PDZRN4: variants seen among roughly 807,000 people sequenced by gnomAD.
PDZRN4 encodes the protein PDZ domain-containing RING finger protein 4.
A neutral mutation model predicts 99.0 loss-of-function variants in PDZRN4; 70 were observed. The ratio of observed to expected loss-of-function variants is 0.71; its 90% CI spans 0.58 to 0.86. The LOEUF is 0.86. Ranked by LOEUF, PDZRN4 falls within the 40% of genes least tolerant of loss-of-function variation. PDZRN4 has a pLI of 0.00. For missense variants in PDZRN4, 1,474 were observed against 1,331.2 expected (o/e 1.11, Z -1.67); for synonymous variants, 551 against 501.6 (o/e 1.10, Z -1.32).
chr12:41,558,267 A>T (rs1939203711), intron 7 of PDZRN4, among the ~76,000 whole-genome samples: 1 of 152,210 alleles, frequency 6.6e-6, no homozygotes, highest in African/African-American at 2.4e-5. Flanking sequence ...CAGTGATTGG[A>T]AAGTCTGGAA....
At chr12:41,259,783 A>G (rs1337458669) in intron 3 of PDZRN4, among the ~76,000 whole-genome samples, 1 of 152,158 alleles carries the variant, frequency 6.6e-6, no homozygotes, top group Non-Finnish European at 1.5e-5. Context: ...CTTTTAAGCT[A>G]ATCAGCTTAG....
chr12:41,191,245 T>C (rs977987094), intron 1 of PDZRN4, among the ~76,000 whole-genome samples: 2 of 152,142 alleles, frequency 1.3e-5, no homozygotes, highest in Non-Finnish European at 2.9e-5. Flanking sequence ...TAGGGCTTTT[T>C]CCCCTCACAT....
At chr12:41,254,922 C>T (rs1447013829) in intron 3 of PDZRN4, among the ~76,000 whole-genome samples, 1 of 151,790 alleles carries the variant, frequency 6.6e-6, no homozygotes, top group Non-Finnish European at 1.5e-5. Flanking sequence ...CCAGTATCTA[C>T]AAAAAATAAA....
At position 41,188,639 on chromosome 12, in the gene PDZRN4, G is replaced by A. The variant is rs775272085; in HGVS notation, c.184G>A (p.Gly62Ser). Residue 62 changes from glycine to serine, a missense_variant, in exon 1 of 10, where the codon GGC (glycine) becomes AGC (serine). Transcript: ENST00000402685. ...CPLQCQPLAP[G>S]ELYRVLPLRS... ...GCTGCAGTGCCAGCCCTTGGCGCCC[G>A]GCGAGCTGTACCGGGTGCTGCCGCT... The A allele has an allele frequency of 2.3e-5, 35 of 1,541,440 alleles. No homozygotes were observed. In the Admixed American group the frequency reaches 2.5e-4, roughly 11 times the overall value.
intron 5 of PDZRN4, among the ~76,000 whole-genome samples, chr12:41,514,452 C>T (rs1306413533): frequency 2.0e-5 from 3 of 151,944 alleles, no homozygotes; most frequent in Admixed American, 2.0e-4. Flanking sequence ...TAATTATTAA[C>T]TACATTCTAT....
At chr12:41,455,067 A>T (rs1462639816) in intron 3 of PDZRN4, among the ~76,000 whole-genome samples, 1 of 152,218 alleles carries the variant, frequency 6.6e-6, no homozygotes, top group African/African-American at 2.4e-5. Context: ...AAGGAATCAT[A>T]TGCAGTTATA....
rs371531440 is a variant in PDZRN4 at position 41,225,911 on chromosome 12, G to A, written c.843+31723G>A. 5.9e-4 allele frequency among the ~76,000 whole-genome samples: 90 copies of A among 152,178 alleles called. 1 individual carries two copies. Among genetic ancestry groups the A allele is most frequent in the African/African-American group, 2.1e-3 (87 of 41,536 alleles). On this transcript the variant is annotated intron_variant, in intron 3 of 9. Transcript: ENST00000402685. ...TTCTGGAGCCAGGCACCCCCCTGGA[G>A]TAGGTAACCCTTGTCAACAGCACAC...
intron 3 of PDZRN4, among the ~76,000 whole-genome samples, chr12:41,429,906 T>C (rs959079429): frequency 3.3e-5 from 5 of 152,036 alleles, no homozygotes; most frequent in Non-Finnish European, 4.4e-5. Flanking sequence ...TTTGCAGAAC[T>C]AAAAATAGTG....
chr12:41,563,541 T>A lies in PDZRN4; in HGVS notation c.1366-7T>A. The A allele has an allele frequency of 1.2e-6, 2 of 1,604,200 alleles. No individual in the cohort carries two copies. The highest frequency in any genetic ancestry group is 1.7e-6 in the Non-Finnish European group (2 of 1,171,146). On this transcript the variant is annotated splice_polypyrimidine_tract_variant and splice_region_variant and intron_variant, in intron 7 of 9. Transcript: ENST00000402685. Reference sequence around the variant, plus strand: ...AAACTAATGTGCCACTCTCATTTGTTTTCTAGATAAATGGGGAAGATGTCC... The same window carrying A: ...AAACTAATGTGCCACTCTCATTTGTATTCTAGATAAATGGGGAAGATGTCC...
chr12:41,475,194 T>A (rs1953029318), intron 3 of PDZRN4, among the ~76,000 whole-genome samples: 1 of 152,250 alleles, frequency 6.6e-6, no homozygotes, highest in East Asian at 1.9e-4. Flanking sequence ...ATAAATATGA[T>A]TGAATGAATA....
rs11180932 is a variant in PDZRN4, at chr12:41,468,587, T to A, written c.844-37869T>A. ...TTCATCCACTAAAAATATACGTTCT[T>A]AGCTAATAGCCACACTTTCCCAAGT... On this transcript the variant is annotated intron_variant, in intron 3 of 9. Coordinates refer to ENST00000402685, the MANE Select transcript of PDZRN4 (RefSeq NM_001164595.2). 5.3e-3 allele frequency among the ~76,000 whole-genome samples: 805 copies of A among 152,326 alleles called. 43 individuals are homozygous for A. The East Asian group carries it at 0.13, about 24-fold the overall frequency.
At chr12:41,426,131 C>T (rs1469342070) in intron 3 of PDZRN4, among the ~76,000 whole-genome samples, 1 of 152,178 alleles carries the variant, frequency 6.6e-6, no homozygotes, top group Non-Finnish European at 1.5e-5. Context: ...ACCCTGAAAT[C>T]TAATAACTAA....
chr12:41,253,775 A>G (rs1951186661), intron 3 of PDZRN4, among the ~76,000 whole-genome samples: 1 of 152,222 alleles, frequency 6.6e-6, no homozygotes, highest in Non-Finnish European at 1.5e-5. Flanking sequence ...AAAATGTGAT[A>G]CATATACACA....
intron 3 of PDZRN4, among the ~76,000 whole-genome samples, chr12:41,394,813 T>TGA (rs1294561594): frequency 1.3e-5 from 2 of 149,010 alleles, no homozygotes; most frequent in Admixed American, 6.7e-5. Flanking sequence ...GAATGAGAAA[T>TGA]GAGAGAGAGA....
At chr12:41,391,310 G>A (rs897936371) in intron 3 of PDZRN4, among the ~76,000 whole-genome samples, 1 of 152,128 alleles carries the variant, frequency 6.6e-6, no homozygotes, top group Non-Finnish European at 1.5e-5. Flanking sequence ...AAAGCAGACT[G>A]AAAAGCTGTC....
chr12:41,427,553 C>T (rs1034089955), intron 3 of PDZRN4, among the ~76,000 whole-genome samples: 7 of 152,030 alleles, frequency 4.6e-5, no homozygotes, highest in Non-Finnish European at 7.4e-5. Flanking sequence ...AACAAGCATC[C>T]GAATACATGC....
intron 3 of PDZRN4, among the ~76,000 whole-genome samples, chr12:41,448,360 TA>T (rs1362811831): frequency 6.6e-6 from 1 of 152,142 alleles, no homozygotes; most frequent in East Asian, 1.9e-4. Flanking sequence ...CCTATTCTGG[TA>T]AAAGCCCTAA....
intron 3 of PDZRN4, among the ~76,000 whole-genome samples, chr12:41,266,459 A>G (rs529252377): frequency 2.4e-4 from 36 of 152,176 alleles, no homozygotes; most frequent in Non-Finnish European, 4.8e-4. Flanking sequence ...TGCAATTTAC[A>G]TTTTCAATTA....
chr12:41,555,789 C>T (rs1565614264), intron 7 of PDZRN4, 29 bp downstream of exon 7: 2 of 1,513,404 alleles, frequency 1.3e-6, no homozygotes, highest in African/African-American at 1.4e-5. Flanking sequence ...TCCTTTAGTT[C>T]CCCACGATCT....
Sources: gnomAD v4.1 joint callset for allele counts (sites outside exome capture counted in the v4.1 genomes callset) on GRCh38, gnomAD v4.1.1 for gene constraint, MANE v1.5 for transcripts, NCBI Gene and HGNC (gene_info 2026-07-23, HGNC 2026-07-21) for gene names.